NAALADL2: variants seen among roughly 807,000 people sequenced by gnomAD.
The protein encoded by NAALADL2 is inactive N-acetylated-alpha-linked acidic dipeptidase-like protein 2.
Under a neutral mutation model 87.2 loss-of-function variants are expected in NAALADL2, and 76 were observed. That is an observed-to-expected ratio of 0.87 (90% CI 0.72 to 1.05). The LOEUF (loss-of-function observed/expected upper bound fraction) is 1.05, where lower values mean the gene tolerates loss of function less well. NAALADL2 is among the 50% of genes least tolerant of loss of function. The probability of loss-of-function intolerance (pLI) is 0.00; values close to 1 mark genes in which losing one functional copy is unlikely to be tolerated. For synonymous variants in NAALADL2, 354 were observed against 331.0 expected, an observed-to-expected ratio of 1.07 and a Z score of -0.75; for missense variants, 1,089 against 945.8, an observed-to-expected ratio of 1.15 and a Z score of -1.99.
intron 2 of NAALADL2, among the ~76,000 whole-genome samples, chr3:174,646,651 T>C (rs1723813372): frequency 6.6e-6 from 1 of 152,164 alleles, no homozygotes; most frequent in Admixed American, 6.5e-5. Context: ...TTCTGTATTA[T>C]AAAATTACTT....
chr3:174,610,392 G>A (rs1437752114), intron 2 of NAALADL2, among the ~76,000 whole-genome samples: 1 of 150,994 alleles, frequency 6.6e-6, no homozygotes, highest in African/African-American at 2.4e-5. Flanking sequence ...TACAAAATGG[G>A]AGAAAATTTT....
intron 2 of NAALADL2, among the ~76,000 whole-genome samples, chr3:174,636,514 A>G (rs1722663571): frequency 6.6e-6 from 1 of 152,182 alleles, no homozygotes; most frequent in South Asian, 2.1e-4. Flanking sequence ...GATATTTCTC[A>G]GAAGAAAACA....
intron 1 of NAALADL2, among the ~76,000 whole-genome samples, chr3:174,445,135 G>A (rs891611072): frequency 1.4e-4 from 21 of 151,758 alleles, no homozygotes; most frequent in African/African-American, 4.8e-4. Context: ...CATCATCTCT[G>A]CCCTCAATTT....
chr3:175,627,232 A>G (rs926606402), intron 10 of NAALADL2, 59 bp from the exon 11 acceptor site: 137 of 1,353,688 alleles, frequency 1.0e-4, no homozygotes, highest in Non-Finnish European at 1.3e-4. Context: ...AATCCAATAA[A>G]CACTTGAAAA....
rs375792990 is a variant in NAALADL2, at chr3:174,966,950, A to G, written c.43+107500A>G. Reference sequence around the variant, plus strand: ...ACATAAAGGTGGAAAAAATAAAATAATAAGTGTTATCACAGAAAGTATAGG... The same window carrying G: ...ACATAAAGGTGGAAAAAATAAAATAGTAAGTGTTATCACAGAAAGTATAGG... On this transcript the variant is annotated intron_variant, in intron 1 of 13. Coordinates refer to ENST00000454872, the MANE Select transcript of NAALADL2 (RefSeq NM_207015.3). Among the ~76,000 whole-genome samples the G allele has an allele frequency of 1.2e-4, 19 of 152,286 alleles. 1 individual carries two copies. The highest frequency in any genetic ancestry group is 1.9e-4 in the African/African-American group (8 of 41,572).
intron 9 of NAALADL2, among the ~76,000 whole-genome samples, chr3:175,475,603 A>G (rs2149305249): frequency 6.6e-6 from 1 of 152,316 alleles, no homozygotes; most frequent in South Asian, 2.1e-4. Flanking sequence ...CCATCTAGCC[A>G]TATTCTATTT....
At chr3:174,916,064 T>C (rs1734337750) in intron 1 of NAALADL2, among the ~76,000 whole-genome samples, 1 of 151,980 alleles carries the variant, frequency 6.6e-6, no homozygotes, top group Non-Finnish European at 1.5e-5. Flanking sequence ...GCAAAGGACA[T>C]GAATATACCT....
chr3:174,565,332 G>T (rs1030606386), intron 2 of NAALADL2, among the ~76,000 whole-genome samples: 1 of 151,722 alleles, frequency 6.6e-6, no homozygotes, highest in African/African-American at 2.4e-5. Flanking sequence ...TTTCATTCTT[G>T]CCTCCCTTCC....
intron 2 of NAALADL2, among the ~76,000 whole-genome samples, chr3:174,717,205 A>C (rs931353655): frequency 3.3e-5 from 5 of 152,176 alleles, no homozygotes; most frequent in African/African-American, 1.2e-4. Context: ...AACAGATCTT[A>C]AAGCATCATC....
At chr3:174,562,579 A>G (rs989445663) in intron 2 of NAALADL2, among the ~76,000 whole-genome samples, 1 of 152,154 alleles carries the variant, frequency 6.6e-6, no homozygotes, top group African/African-American at 2.4e-5. Context: ...TTTTTGAATC[A>G]GTCATATATT....
chr3:175,715,991 C>T (rs946392881), intron 11 of NAALADL2, among the ~76,000 whole-genome samples: 3 of 151,274 alleles, frequency 2.0e-5, no homozygotes, highest in Non-Finnish European at 2.9e-5. Context: ...TTTAAACCTA[C>T]TGTAAGGAAT....
chr3:174,843,371 T>C (rs1159424152), intron 3 of NAALADL2, among the ~76,000 whole-genome samples: 1 of 152,084 alleles, frequency 6.6e-6, no homozygotes, highest in Non-Finnish European at 1.5e-5. Context: ...TTTCTGTGTC[T>C]CATCTTTTTT....
chr3:175,387,821 A>G (rs73186707), intron 5 of NAALADL2, among the ~76,000 whole-genome samples: 1 of 152,028 alleles, frequency 6.6e-6, no homozygotes, highest in South Asian at 2.1e-4. Flanking sequence ...TATTTATTAT[A>G]TGCAGGATCT....
intron 2 of NAALADL2, among the ~76,000 whole-genome samples, chr3:175,171,729 A>G (rs1198492848): frequency 6.6e-6 from 1 of 152,130 alleles, no homozygotes; most frequent in African/African-American, 2.4e-5. Context: ...CTATTTGGCT[A>G]TAAAAAATAT....
In NAALADL2 at chr3:174,584,145, T is replaced by C. The variant is rs115636732; in HGVS notation, c.-115+33508T>C. 7.5e-3 allele frequency among the ~76,000 whole-genome samples: 1,137 copies of C among 152,194 alleles called. 13 individuals are homozygous for C. The highest frequency in any genetic ancestry group is 0.026 in the African/African-American group (1,084 of 41,514). Reference sequence around the variant, plus strand: ...TTCATAAGAGAAACCTGAGAAAGACTGAGAAAGAATGACTGGTAAAGGGGT... The same window carrying C: ...TTCATAAGAGAAACCTGAGAAAGACCGAGAAAGAATGACTGGTAAAGGGGT... On this transcript the variant is annotated intron_variant, in intron 2 of 3. Transcript: ENST00000434257.
intron 1 of NAALADL2, among the ~76,000 whole-genome samples, chr3:174,914,539 A>G (rs560635975): frequency 8.5e-5 from 13 of 152,270 alleles, no homozygotes; most frequent in Non-Finnish European, 1.0e-4. Flanking sequence ...CTATAAGTAA[A>G]GTTAGACTAA....
intron 1 of NAALADL2, among the ~76,000 whole-genome samples, chr3:174,960,146 A>C (rs1741765525): frequency 6.6e-6 from 1 of 152,052 alleles, no homozygotes; most frequent in African/African-American, 2.4e-5. Flanking sequence ...TCAGGCAATA[A>C]GTGGTAAAGT....
chr3:175,278,514 T>TA (rs1176264829), intron 4 of NAALADL2, among the ~76,000 whole-genome samples: 1 of 152,236 alleles, frequency 6.6e-6, no homozygotes, highest in African/African-American at 2.4e-5. Flanking sequence ...ATAGTGATTT[T>TA]AAAATTAGAA....
chr3:174,543,526 T>A (rs529797032), intron 1 of NAALADL2, among the ~76,000 whole-genome samples: 2 of 152,252 alleles, frequency 1.3e-5, no homozygotes, highest in African/African-American at 4.8e-5. Context: ...TTATAGTCTA[T>A]GTCGTTTCTT....
Sources: gnomAD v4.1 joint callset for allele counts (sites outside exome capture counted in the v4.1 genomes callset) on GRCh38, gnomAD v4.1.1 for gene constraint, MANE v1.5 for transcripts, NCBI Gene and HGNC (gene_info 2026-07-23, HGNC 2026-07-21) for gene names.